CRLF3: variants seen among roughly 807,000 people sequenced by gnomAD.
The protein encoded by CRLF3 is cytokine receptor like factor 3.
A neutral mutation model predicts 55.0 loss-of-function variants in CRLF3; 33 were observed. That is an observed-to-expected ratio of 0.60 (90% CI 0.46 to 0.80). The LOEUF is 0.80. CRLF3 is among the 30% of genes least tolerant of loss of function. The pLI is 0.00. For missense variants in CRLF3, 494 were observed against 538.4 expected, an observed-to-expected ratio of 0.92 and a Z score of 0.82; for synonymous variants, 238 against 196.8, an observed-to-expected ratio of 1.21 and a Z score of -1.75.
At chr17:30,820,840 A>G (rs923099140) in intron 1 of CRLF3, among the ~76,000 whole-genome samples, 9 of 151,018 alleles carry the variant, frequency 6.0e-5, no homozygotes, top group African/African-American at 2.2e-4. Context: ...AAAAAAAAAA[A>G]AAAAGGAAGA....
At chr17:30,787,050 G>A (rs1192846381) in intron 6 of CRLF3, among the ~76,000 whole-genome samples, 2 of 152,256 alleles carry the variant, frequency 1.3e-5, no homozygotes, top group East Asian at 3.9e-4. Flanking sequence ...GCTCAGGCTG[G>A]TCTTGGAACT....
At position 30,793,478 on chromosome 17, in the gene CRLF3, CTG is replaced by C; in HGVS notation, c.796_797del (p.Gln266AspfsTer10). On this transcript the variant is annotated frameshift_variant, in exon 5 of 8. Transcript: ENST00000324238. LOFTEE classifies it high-confidence loss of function. Reference protein sequence around the residue: ...RQEWSPWSVPQIGHSTLVPHE... With the variant: ...RQEWSPWSVPXIGHSTLVPHE... ...GAGGCACCAATGTGGAATGACCTAT[CTG>C]GGGGACACTCCAAGGACTCCACTCC... 1 of 1,614,060 alleles carries C rather than the reference CTG, an allele frequency of 6.2e-7. No individual in the cohort carries two copies. Among genetic ancestry groups the C allele is most frequent in the Non-Finnish European group, 8.5e-7 (1 of 1,179,990 alleles).
intron 1 of CRLF3, among the ~76,000 whole-genome samples, chr17:30,821,046 C>G (rs1481603953): frequency 2.2e-5 from 3 of 138,614 alleles, no homozygotes; most frequent in Admixed American, 7.1e-5. Flanking sequence ...CAGAGCAAGA[C>G]TCTGGCTCAA....
At chr17:30,816,651 G>C (rs1904816829) in intron 1 of CRLF3, among the ~76,000 whole-genome samples, 2 of 151,688 alleles carry the variant, frequency 1.3e-5, no homozygotes, top group Non-Finnish European at 2.9e-5. Flanking sequence ...CACCACACCT[G>C]GCTAATTTTT....
chr17:30,824,483 C>T, intron 1 of CRLF3, 40 bp downstream of exon 1: 2 of 1,548,876 alleles, frequency 1.3e-6, no homozygotes, highest in African/African-American at 1.4e-5. Context: ...TCCGCGCCAC[C>T]CCCGGGCCCA....
chr17:30,793,983 T>C (rs1971864587), intron 4 of CRLF3, among the ~76,000 whole-genome samples: 1 of 152,038 alleles, frequency 6.6e-6, no homozygotes, highest in Non-Finnish European at 1.5e-5. Flanking sequence ...GGATTTCAGG[T>C]GCACACCACC....
rs912145338 is a variant in CRLF3 at position 30,785,927 on chromosome 17, C to G, written c.1064G>C (p.Ser355Thr). The G allele has an allele frequency of 3.8e-6, 6 of 1,559,310 alleles. No individual in the cohort carries two copies. The African/African-American group carries it at 6.8e-5, about 18-fold the overall frequency. Reference protein sequence around the residue: ...SLQRDQAVCISTNGAVFVNGK... With the variant: ...SLQRDQAVCITTNGAVFVNGK... Reference sequence around the variant, plus strand: ...AGTTATTTATCTCTTACCATTTGTACTAATGCACACAGCTTGATCCCGCTG... The same window carrying G: ...AGTTATTTATCTCTTACCATTTGTAGTAATGCACACAGCTTGATCCCGCTG... The change falls in exon 7 of 8, where the codon AGT (serine) becomes ACT (threonine). Residue 355 changes from serine (S) to threonine (T), a missense_variant. Physicochemically the swap from Ser to Thr is moderately conservative, Grantham distance 58 (BLOSUM62 1). Transcript: ENST00000324238.
intron 1 of CRLF3, among the ~76,000 whole-genome samples, chr17:30,816,575 A>G (rs1904814008): frequency 6.9e-6 from 1 of 144,542 alleles, no homozygotes; most frequent in Non-Finnish European, 1.5e-5. Context: ...CTGCACCCTC[A>G]GCCTCCTGGG....
chr17:30,795,365 C>T (rs910814338), intron 4 of CRLF3, among the ~76,000 whole-genome samples: 4 of 151,714 alleles, frequency 2.6e-5, no homozygotes, highest in Admixed American at 6.6e-5. Context: ...GGTGTGGTGG[C>T]GCATGCCTTA....
intron 6 of CRLF3, among the ~76,000 whole-genome samples, chr17:30,791,497 G>C (rs1052764365): frequency 2.6e-5 from 4 of 151,122 alleles, no homozygotes; most frequent in African/African-American, 9.8e-5. Context: ...GTGAGCCACT[G>C]CGTCCAGTCT....
chr17:30,800,202 A>C (rs1971984912), intron 2 of CRLF3, among the ~76,000 whole-genome samples: 1 of 152,126 alleles, frequency 6.6e-6, no homozygotes, highest in African/African-American at 2.4e-5. Flanking sequence ...TGACTTTTAA[A>C]TGTTGGTGAC....
intron 6 of CRLF3, among the ~76,000 whole-genome samples, chr17:30,788,089 G>A (rs1971691011): frequency 6.6e-6 from 1 of 152,090 alleles, no homozygotes; most frequent in Non-Finnish European, 1.5e-5. Flanking sequence ...AGCACTTTGG[G>A]AGGCCGAGGT....
At chr17:30,810,801 A>G (rs1013048855) in intron 1 of CRLF3, among the ~76,000 whole-genome samples, 4 of 152,180 alleles carry the variant, frequency 2.6e-5, no homozygotes, top group African/African-American at 9.7e-5. Flanking sequence ...AGTTACTAAA[A>G]AGACATATGT....
chr17:30,785,677 G>A (rs539753829), intron 7 of CRLF3, among the ~76,000 whole-genome samples: 1 of 151,906 alleles, frequency 6.6e-6, no homozygotes, highest in Non-Finnish European at 1.5e-5. Context: ...GGCTACTCAG[G>A]AGGCTGAAGT....
At chr17:30,796,122 T>C in intron 4 of CRLF3, 38 bp downstream of exon 4, 1 of 1,490,838 alleles carries the variant, frequency 6.7e-7, no homozygotes, top group Non-Finnish European at 9.1e-7. Context: ...CGCAAACCCA[T>C]AATGTGGAAG....
intron 1 of CRLF3, among the ~76,000 whole-genome samples, chr17:30,818,616 G>A (rs749496960): frequency 4.6e-5 from 7 of 151,130 alleles, no homozygotes; most frequent in Non-Finnish European, 7.4e-5. Context: ...ACCACACCCG[G>A]CTAATTTTTG....
chr17:30,809,898 G>C (rs1481304928), intron 1 of CRLF3: 1 of 152,160 alleles, frequency 6.6e-6, no homozygotes, highest in Non-Finnish European at 1.5e-5. Context: ...CAATCCTCCT[G>C]CCTCGGCCTC....
At chr17:30,788,769 G>A (rs951351039) in intron 6 of CRLF3, among the ~76,000 whole-genome samples, 5 of 151,426 alleles carry the variant, frequency 3.3e-5, no homozygotes, top group African/African-American at 7.3e-5. Flanking sequence ...CACCACGCCC[G>A]GCTAATTTTT....
At chr17:30,798,869 C>T (rs1341701597) in intron 2 of CRLF3, among the ~76,000 whole-genome samples, 3 of 151,710 alleles carry the variant, frequency 2.0e-5, no homozygotes, top group Non-Finnish European at 2.9e-5. Context: ...ATAAAATCCT[C>T]AAAATTCCAT....
Sources: gnomAD v4.1 joint callset for allele counts (sites outside exome capture counted in the v4.1 genomes callset) on GRCh38, gnomAD v4.1.1 for gene constraint, MANE v1.5 for transcripts, NCBI Gene and HGNC (gene_info 2026-07-23, HGNC 2026-07-21) for gene names.